The following MALT1 variants were observed in gnomAD, a reference collection of about 807,000 sequenced individuals.
MALT1 encodes MALT1 paracaspase.
In MALT1, 36 loss-of-function variants were observed where a neutral mutation model predicts 85.5. The observed-to-expected ratio is 0.42, with a 90% confidence interval of 0.32 to 0.56. MALT1 has a LOEUF of 0.56. Among genes scored for constraint, MALT1 ranks in the 20% least tolerant of loss-of-function variants. MALT1 has a pLI of 0.10. For missense variants in MALT1, 716 were observed against 981.6 expected, an observed-to-expected ratio of 0.73 and a Z score of 3.62; for synonymous variants, 359 against 361.3, an observed-to-expected ratio of 0.99 and a Z score of 0.07.
intron 4 of MALT1, among the ~76,000 whole-genome samples, chr18:58,707,585 C>T (rs1304162822): frequency 6.6e-6 from 1 of 152,076 alleles, no homozygotes; most frequent in African/African-American, 2.4e-5. Flanking sequence ...AACTCCCCAG[C>T]CCCTGACAGG....
intron 1 of MALT1, among the ~76,000 whole-genome samples, chr18:58,680,719 C>T (rs1027869178): frequency 2.0e-5 from 3 of 151,934 alleles, no homozygotes; most frequent in Non-Finnish European, 4.4e-5. Flanking sequence ...GTCAGGAGAT[C>T]GAGACCATCC....
intron 15 of MALT1, among the ~76,000 whole-genome samples, chr18:58,745,041 G>A (rs544819028): frequency 6.6e-6 from 1 of 152,178 alleles, no homozygotes; most frequent in Non-Finnish European, 1.5e-5. Flanking sequence ...ATTACTGATA[G>A]AGGCTTTGTG....
intron 12 of MALT1, 61 bp downstream of exon 12, chr18:58,734,442 G>A: frequency 2.2e-6 from 3 of 1,361,598 alleles, no homozygotes; most frequent in Non-Finnish European, 3.2e-6. Context: ...TTTTGTTTTT[G>A]CTTTTTAGGA....
chr18:58,727,626 T>TTG (rs1454399071), intron 10 of MALT1, among the ~76,000 whole-genome samples: 1 of 125,926 alleles, frequency 7.9e-6, no homozygotes, highest in Non-Finnish European at 1.8e-5. Context: ...GTTTTTTTTT[T>TTG]TGTTTTTTTT....
intron 13 of MALT1, 69 bp from the exon 14 acceptor site, chr18:58,741,796 C>A (rs971582434): frequency 1.0e-6 from 1 of 956,024 alleles, no homozygotes; most frequent in Non-Finnish European, 1.5e-6. Flanking sequence ...TAGGATAGTT[C>A]TTAGCCTAAA....
chr18:58,691,360 C>T (rs1388643208), intron 2 of MALT1: 1 of 842,370 alleles, frequency 1.2e-6, no homozygotes, highest in Non-Finnish European at 1.8e-6. Context: ...TTTGGCATTG[C>T]CCTGGCTCAG....
chr18:58,736,727 A>AC (rs2055226605), intron 13 of MALT1, among the ~76,000 whole-genome samples: 1 of 152,216 alleles, frequency 6.6e-6, no homozygotes, highest in Non-Finnish European at 1.5e-5. Context: ...TTTCAGTCCT[A>AC]CCATGTCTGC....
intron 9 of MALT1, among the ~76,000 whole-genome samples, chr18:58,716,685 A>G (rs2054904567): frequency 6.6e-6 from 1 of 152,252 alleles, no homozygotes. Context: ...AGAAGTGAAC[A>G]AATGAAGACA....
At chr18:58,684,596 G>A (rs1057113700) in intron 2 of MALT1, among the ~76,000 whole-genome samples, 2 of 151,902 alleles carry the variant, frequency 1.3e-5, no homozygotes, top group Non-Finnish European at 2.9e-5. Context: ...ACAGGCATGT[G>A]CCACCACGCC....
At chr18:58,746,348 T>C (rs1602345986) in intron 16 of MALT1, among the ~76,000 whole-genome samples, 1 of 152,198 alleles carries the variant, frequency 6.6e-6, no homozygotes, top group East Asian at 1.9e-4. Flanking sequence ...ATGTTCAGAT[T>C]TTCAAGTAAT....
intron 2 of MALT1, among the ~76,000 whole-genome samples, chr18:58,687,505 G>A (rs1195666240): frequency 6.6e-6 from 1 of 152,182 alleles, no homozygotes; most frequent in Non-Finnish European, 1.5e-5. Flanking sequence ...AGAGGAAGAG[G>A]AATGATATTT....
chr18:58,716,725 T>C (rs2054905554), intron 9 of MALT1, among the ~76,000 whole-genome samples: 1 of 151,774 alleles, frequency 6.6e-6, no homozygotes, highest in Non-Finnish European at 1.5e-5. Flanking sequence ...AAAGAAAGAG[T>C]GGTTTGAAAT....
intron 2 of MALT1, among the ~76,000 whole-genome samples, chr18:58,683,892 A>G (rs2054358777): frequency 1.3e-5 from 2 of 152,160 alleles, no homozygotes; most frequent in South Asian, 4.1e-4. Flanking sequence ...TCTCTTCAGT[A>G]CATTTGTGAG....
At chr18:58,708,851 A>T (rs2054793610) in intron 4 of MALT1, among the ~76,000 whole-genome samples, 1 of 152,150 alleles carries the variant, frequency 6.6e-6, no homozygotes, top group Admixed American at 6.5e-5. Context: ...GGAAACTTAA[A>T]GAGTATTAAA....
chr18:58,715,225 T>C (rs1014309767), intron 8 of MALT1, among the ~76,000 whole-genome samples: 1 of 152,232 alleles, frequency 6.6e-6, no homozygotes, highest in Admixed American at 6.5e-5. Context: ...TAATGAACAT[T>C]ATGAAAAGTT....
rs35049034 is a variant in MALT1 at position 58,734,291 on chromosome 18, C to T, written c.1401-16C>T. On this transcript the variant is annotated splice_polypyrimidine_tract_variant and intron_variant, in intron 11 of 16. Coordinates refer to ENST00000649217, the MANE Select transcript of MALT1 (RefSeq NM_006785.4). The stretch of plus-strand genomic sequence containing the variant: ...TTTCATATTTCTATCTGCCCTCCTC[C>T]GCCTCCCTTAAATAGAAATGACTAC... 6.1e-3 allele frequency: 9,663 copies of T among 1,579,668 alleles called. 46 individuals carry two copies. Among genetic ancestry groups the T allele is most frequent in the Non-Finnish European group, 7.4e-3 (8,551 of 1,148,874 alleles).
At chr18:58,704,129 A>G (rs2054712452) in intron 4 of MALT1, among the ~76,000 whole-genome samples, 1 of 152,232 alleles carries the variant, frequency 6.6e-6, no homozygotes, top group Admixed American at 6.5e-5. Flanking sequence ...GAATAAAGCT[A>G]CGATGAATAT....
rs933862942 is a variant in MALT1 at position 58,728,557 on chromosome 18, A to G, written c.1223-4840A>G. Among the ~76,000 whole-genome samples, 3 of 152,198 alleles carry G rather than the reference A, an allele frequency of 2.0e-5. 1 individual carries two copies. The South Asian group carries it at 6.2e-4, about 32-fold the overall frequency. On this transcript the variant is annotated intron_variant, in intron 10 of 16. Transcript: ENST00000649217. ...GAGGTCGAAGCTGCAGTGAGCTGTG[A>G]TCACACTGCTGCACTCCAGTATGGG...
rs2055413726 is a variant in MALT1, at chr18:58,749,191, G to A, written c.*1349G>A. 1 of 217,264 alleles carries A rather than the reference G, an allele frequency of 4.6e-6. No individual in the cohort carries two copies. Among genetic ancestry groups the A allele is most frequent in the African/African-American group, 2.3e-5 (1 of 44,366 alleles). The allele number at this position is 217,264 out of a possible 1,614,324, so 13.5% of individuals were successfully genotyped here. A position where few individuals can be genotyped will look rare whatever the true frequency, so the allele number is the denominator to read the frequency against. ...TACAGAATATTCTCCCATAAACACTGAATTAAATATGGAACAACTGCTTTT... is the reference window on the plus strand; with the variant it reads ...TACAGAATATTCTCCCATAAACACTAAATTAAATATGGAACAACTGCTTTT... On this transcript the variant is annotated 3_prime_UTR_variant, in exon 17 of 17. Transcript: ENST00000649217.
Sources: allele counts gnomAD v4.1 joint callset (sites outside exome capture counted in the v4.1 genomes callset), GRCh38; gene constraint gnomAD v4.1.1; transcripts MANE v1.5; gene names NCBI Gene and HGNC (gene_info 2026-07-23, HGNC 2026-07-21).